GSTCD: variants seen among roughly 807,000 people sequenced by gnomAD.
The protein encoded by GSTCD is glutathione S-transferase C-terminal domain-containing protein.
GSTCD carries 44 observed loss-of-function variants against 68.3 expected under a neutral mutation model. The ratio of observed to expected loss-of-function variants is 0.64; its 90% CI spans 0.51 to 0.83. The LOEUF (loss-of-function observed/expected upper bound fraction) is 0.83. GSTCD is among the 40% of genes least tolerant of loss of function. The pLI is 0.00. For synonymous variants in GSTCD, 273 were observed against 255.2 expected (o/e 1.07, Z -0.67); for missense variants, 739 against 735.9 (o/e 1.00, Z -0.05).
In GSTCD at chr4:105,845,409, G is replaced by A. The variant is rs1045738447; in HGVS notation, c.1766-32G>A. 3 of 1,613,256 alleles carry A rather than the reference G, an allele frequency of 1.9e-6. No homozygotes were observed. The African/African-American group carries it at 4.0e-5, about 22-fold the overall frequency. On this transcript the variant is annotated intron_variant, in intron 11 of 11. Transcript: ENST00000515279. ...CTGAAACTGTCCTGCTAGTGAAAGGGTGTCTCATGATACCATTTGACTGTG... is the reference window on the plus strand; with the variant it reads ...CTGAAACTGTCCTGCTAGTGAAAGGATGTCTCATGATACCATTTGACTGTG...
At chr4:105,764,423 C>G (rs1734529960) in intron 5 of GSTCD, among the ~76,000 whole-genome samples, 2 of 152,184 alleles carry the variant, frequency 1.3e-5, no homozygotes, top group African/African-American at 4.8e-5. Flanking sequence ...AATTACTCCT[C>G]TCAGGCTGCC....
intron 5 of GSTCD, among the ~76,000 whole-genome samples, chr4:105,735,236 T>G (rs975749150): frequency 6.6e-6 from 1 of 152,016 alleles, no homozygotes; most frequent in African/African-American, 2.4e-5. Context: ...TCTGCAGAGG[T>G]TTCTGCAGAG....
At position 105,719,295 on chromosome 4, in the gene GSTCD, T is replaced by G. The variant is rs140280455; in HGVS notation, c.662T>G (p.Val221Gly). Residue 221 changes from valine (V) to glycine (G), a missense_variant, in exon 3 of 12, where the codon GTC (valine) becomes GGC (glycine). Physicochemically the swap from Val to Gly is moderately radical, Grantham distance 109 (BLOSUM62 -3). Coordinates refer to ENST00000515279, the MANE Select transcript of GSTCD (RefSeq NM_001370181.1). Reference protein sequence around the residue: ...PLTKGKAKSKVHTQETSEGLD... With the variant: ...PLTKGKAKSKGHTQETSEGLD... ...ACTAAGGGAAAGGCAAAGAGCAAGGTCCACACACAGGAAACATCTGAAGGG... is the reference window on the plus strand; with the variant it reads ...ACTAAGGGAAAGGCAAAGAGCAAGGGCCACACACAGGAAACATCTGAAGGG... The G allele has an allele frequency of 1.3e-4, 215 of 1,613,888 alleles. No homozygotes were observed. Among genetic ancestry groups the G allele is most frequent in the Non-Finnish European group, 1.7e-4 (204 of 1,179,988 alleles).
chr4:105,730,104 G>C (rs1733179599), intron 5 of GSTCD, among the ~76,000 whole-genome samples: 1 of 152,140 alleles, frequency 6.6e-6, no homozygotes, highest in African/African-American at 2.4e-5. Context: ...AGTATTCCAT[G>C]GTGTATATGT....
chr4:105,708,992 T>TG lies in GSTCD; in HGVS notation c.-45dup, dbSNP rs1732416083. 6.6e-6 allele frequency: 1 copy of TG among 152,598 alleles called. No homozygotes were observed. Among genetic ancestry groups the TG allele is most frequent in the African/African-American group, 2.4e-5 (1 of 41,442 alleles). 9.5% of individuals were successfully genotyped at this position (152,598 alleles called of 1,614,324 possible). A position where few individuals can be genotyped will look rare whatever the true frequency, so the allele number is the denominator to read the frequency against. ...CGCCGACACGCTCACGCACCCTCCC[T>TG]GCCTGGCCGCGCCTCTGCGACCAGG... On this transcript the variant is annotated 5_prime_UTR_variant, in exon 1 of 12. The change abolishes the stop of an existing upstream ORF in the 5' untranslated region. Coordinates refer to ENST00000515279, the MANE Select transcript of GSTCD (RefSeq NM_001370181.1).
intron 5 of GSTCD, among the ~76,000 whole-genome samples, chr4:105,741,310 T>A (rs534669182): frequency 6.6e-6 from 1 of 152,298 alleles, no homozygotes; most frequent in East Asian, 1.9e-4. Context: ...GAATTTTTGG[T>A]GTTTTATTAA....
chr4:105,745,403 C>T (rs1340656028), intron 5 of GSTCD, among the ~76,000 whole-genome samples: 1 of 152,204 alleles, frequency 6.6e-6, no homozygotes, highest in African/African-American at 2.4e-5. Flanking sequence ...CATCAATACT[C>T]AGTAGTAGGA....
chr4:105,772,205 C>T (rs747459652), intron 5 of GSTCD, among the ~76,000 whole-genome samples: 13 of 152,138 alleles, frequency 8.5e-5, no homozygotes, highest in Non-Finnish European at 1.6e-4. Context: ...GATTTTTGCA[C>T]ACTACTTTGT....
Position 105,834,216 on chromosome 4 carries a change from T to A in GSTCD, c.1531-245T>A, listed in dbSNP as rs1001399143. On this transcript the variant is annotated intron_variant, in intron 8 of 11. Coordinates refer to ENST00000515279, the MANE Select transcript of GSTCD (RefSeq NM_001370181.1). ...GTGTTCCTGGAACGATGCTATAGTT[T>A]AGATAAACACTTGTGTTAATTTTTC... Among the ~76,000 whole-genome samples, 13 of 152,318 alleles carry A rather than the reference T, an allele frequency of 8.5e-5. No individual in the cohort carries two copies. In the East Asian group the frequency reaches 2.3e-3, roughly 27 times the overall value.
intron 5 of GSTCD, among the ~76,000 whole-genome samples, chr4:105,731,915 T>C (rs542925282): frequency 1.3e-4 from 20 of 152,354 alleles, no homozygotes; most frequent in African/African-American, 4.1e-4. Context: ...GCTGTTGAAT[T>C]TTGCCAAAGG....
At chr4:105,710,838 G>A (rs1362892839) in intron 1 of GSTCD, 1 of 152,188 alleles carries the variant, frequency 6.6e-6, no homozygotes, top group African/African-American at 2.4e-5. Context: ...TCTCCAGAGA[G>A]ATTACACACT....
At chr4:105,808,416 A>T (rs1343890436) in intron 5 of GSTCD, among the ~76,000 whole-genome samples, 1 of 152,082 alleles carries the variant, frequency 6.6e-6, no homozygotes, top group Non-Finnish European at 1.5e-5. Flanking sequence ...ATATGTTTCA[A>T]GTCAAATCAC....
At chr4:105,759,270 T>C (rs146436327) in intron 5 of GSTCD, among the ~76,000 whole-genome samples, 1 of 152,242 alleles carries the variant, frequency 6.6e-6, no homozygotes, top group East Asian at 1.9e-4. Context: ...TTTTAAAATG[T>C]CAGCCTCTCT....
At chr4:105,792,084 G>A (rs1433517755) in intron 5 of GSTCD, among the ~76,000 whole-genome samples, 1 of 152,106 alleles carries the variant, frequency 6.6e-6, no homozygotes, top group Non-Finnish European at 1.5e-5. Flanking sequence ...AATAGGATCA[G>A]ATTGGACACT....
chr4:105,826,611 A>G (rs1723627656), intron 8 of GSTCD, among the ~76,000 whole-genome samples: 1 of 152,136 alleles, frequency 6.6e-6, no homozygotes, highest in Non-Finnish European at 1.5e-5. Flanking sequence ...CATATTTTAC[A>G]CATATGTGAA....
intron 5 of GSTCD, among the ~76,000 whole-genome samples, chr4:105,797,709 A>G (rs187932375): frequency 8.4e-4 from 120 of 142,554 alleles, no homozygotes; most frequent in Non-Finnish European, 1.5e-3. Flanking sequence ...TTCACAGACT[A>G]TTTCTCTGTA....
At chr4:105,817,405 T>C (rs565955582) in intron 5 of GSTCD, among the ~76,000 whole-genome samples, 1 of 151,950 alleles carries the variant, frequency 6.6e-6, no homozygotes, top group Non-Finnish European at 1.5e-5. Flanking sequence ...TAATAGTATA[T>C]ATAACAAAAT....
intron 5 of GSTCD, among the ~76,000 whole-genome samples, chr4:105,806,790 A>G (rs1722519295): frequency 6.6e-6 from 1 of 152,106 alleles, no homozygotes; most frequent in Non-Finnish European, 1.5e-5. Flanking sequence ...TTATCAGTAA[A>G]CACACCAACA....
intron 5 of GSTCD, among the ~76,000 whole-genome samples, chr4:105,772,643 A>C (rs1264820463): frequency 6.6e-6 from 1 of 152,184 alleles, no homozygotes; most frequent in South Asian, 2.1e-4. Flanking sequence ...GGTTCTGTTT[A>C]TATGATGGAT....
Sources: allele counts gnomAD v4.1 joint callset (sites outside exome capture counted in the v4.1 genomes callset), GRCh38; gene constraint gnomAD v4.1.1; transcripts MANE v1.5; gene names NCBI Gene and HGNC (gene_info 2026-07-23, HGNC 2026-07-21).